TRIM44: variants seen among roughly 807,000 people sequenced by gnomAD.
The protein encoded by TRIM44 is tripartite motif-containing protein 44.
A neutral mutation model predicts 37.4 loss-of-function variants in TRIM44; 13 were observed. The observed-to-expected ratio is 0.35, with a 90% confidence interval of 0.23 to 0.55. TRIM44 has a LOEUF of 0.55. Ranked by LOEUF, TRIM44 falls within the 20% of genes least tolerant of loss-of-function variation. The pLI, the probability that TRIM44 is intolerant of heterozygous loss-of-function variation, is 0.89. For synonymous variants in TRIM44, 175 were observed against 157.2 expected (o/e 1.11, Z -0.85); for missense variants, 426 against 437.2 (o/e 0.97, Z 0.23).
chr11:35,772,503 G>C (rs576089292), intron 4 of TRIM44, among the ~76,000 whole-genome samples: 1 of 152,238 alleles, frequency 6.6e-6, no homozygotes, highest in Non-Finnish European at 1.5e-5. Context: ...GGGCAGAGCT[G>C]CCCAAGACCA....
chr11:35,791,351 TCA>T (rs139901007), intron 4 of TRIM44, among the ~76,000 whole-genome samples: 298 of 152,238 alleles, frequency 2.0e-3, no homozygotes, highest in Middle Eastern at 3.4e-3. Context: ...TCAGGGAGTG[TCA>T]CACAGAACAC....
chr11:35,786,744 A>C (rs1342240224), intron 4 of TRIM44, among the ~76,000 whole-genome samples: 2 of 152,144 alleles, frequency 1.3e-5, no homozygotes, highest in East Asian at 3.8e-4. Flanking sequence ...TCATTGAATA[A>C]ATTTTTTAAA....
rs141439316 is a variant in TRIM44 at position 35,754,975 on chromosome 11, G to A, written c.1007+19530G>A. ...TGCTGCAATAAACATACATGTGCATGTGTCTTTATAGCAGCATGTTTTATA... is the reference window on the plus strand; with the variant it reads ...TGCTGCAATAAACATACATGTGCATATGTCTTTATAGCAGCATGTTTTATA... On this transcript the variant is annotated intron_variant, in intron 4 of 4. Coordinates refer to ENST00000299413, the MANE Select transcript of TRIM44 (RefSeq NM_017583.6). Among the ~76,000 whole-genome samples the A allele has an allele frequency of 6.2e-4, 94 of 152,294 alleles. 2 individuals carry two copies. In the East Asian group the frequency reaches 0.017, roughly 27 times the overall value.
intron 3 of TRIM44, among the ~76,000 whole-genome samples, chr11:35,730,598 A>G (rs1590549688): frequency 6.6e-6 from 1 of 152,294 alleles, no homozygotes; most frequent in East Asian, 1.9e-4. Context: ...AGAGTAGCTA[A>G]AGAGAAATGA....
At chr11:35,763,341 A>T (rs1428702716) in intron 4 of TRIM44, among the ~76,000 whole-genome samples, 1 of 152,158 alleles carries the variant, frequency 6.6e-6, no homozygotes, top group East Asian at 1.9e-4. Flanking sequence ...GGATAAGCAC[A>T]GTAGCAAAGG....
chr11:35,708,531 G>T (rs1473490022), intron 2 of TRIM44, among the ~76,000 whole-genome samples: 2 of 151,786 alleles, frequency 1.3e-5, no homozygotes, highest in African/African-American at 4.9e-5. Context: ...AACAATGATA[G>T]ACTGGATTAA....
At chr11:35,676,206 TA>T (rs1391680126) in intron 1 of TRIM44, among the ~76,000 whole-genome samples, 7 of 152,288 alleles carry the variant, frequency 4.6e-5, no homozygotes, top group South Asian at 4.2e-4. Flanking sequence ...ATCATAGATG[TA>T]AAGAGTTTAG....
chr11:35,801,121 G>T (rs760407079), intron 4 of TRIM44, among the ~76,000 whole-genome samples: 1 of 152,216 alleles, frequency 6.6e-6, no homozygotes, highest in Admixed American at 6.5e-5. Flanking sequence ...AAAGGTCCCT[G>T]GATCCGAGTG....
chr11:35,747,571 C>T (rs944263262), intron 4 of TRIM44, among the ~76,000 whole-genome samples: 1 of 152,072 alleles, frequency 6.6e-6, no homozygotes, highest in Non-Finnish European at 1.5e-5. Flanking sequence ...TATGACAAGC[C>T]AACAGGGATT....
At position 35,814,777 on chromosome 11, in the gene TRIM44, T is replaced by G. The variant is rs1441932163; in HGVS notation, c.*8392T>G. ...CGTCTTTTTTCTTTTATGTAAATAC[T>G]TTTGTGACTTCATTGTAACCAGCAT... On this transcript the variant is annotated 3_prime_UTR_variant, in exon 5 of 5. Transcript: ENST00000299413. The G allele has an allele frequency of 6.6e-6, 1 of 152,180 alleles. No homozygotes were observed. Among genetic ancestry groups the G allele is most frequent in the African/African-American group, 2.4e-5 (1 of 41,442 alleles). 9.4% of individuals were successfully genotyped at this position (152,180 alleles called of 1,614,324 possible).
At chr11:35,784,374 T>C (rs1031604455) in intron 4 of TRIM44, among the ~76,000 whole-genome samples, 10 of 152,228 alleles carry the variant, frequency 6.6e-5, no homozygotes, top group Admixed American at 6.5e-4. Context: ...ATTCAAGGGT[T>C]CTGTGTATTA....
At chr11:35,705,632 G>A (rs1851869220) in intron 2 of TRIM44, among the ~76,000 whole-genome samples, 1 of 149,386 alleles carries the variant, frequency 6.7e-6, no homozygotes, top group South Asian at 2.2e-4. Context: ...TCAACTACAT[G>A]GAAACTGAAC....
rs373792187 is a variant in TRIM44, at chr11:35,706,247, C to T, written c.748-19677C>T. 2.2e-5 allele frequency among the ~76,000 whole-genome samples: 3 copies of T among 138,592 alleles called. No individual in the cohort carries two copies. The South Asian group carries it at 7.0e-4, about 32-fold the overall frequency. 90.9% of individuals were successfully genotyped at this position (138,592 alleles called of 152,430 possible). A position where few individuals can be genotyped will look rare whatever the true frequency, so the allele number is the denominator to read the frequency against. On this transcript the variant is annotated intron_variant, in intron 2 of 4. Transcript: ENST00000299413. Reference sequence around the variant, plus strand: ...AATCTCTGAATAGACCAATAACAGGCTCTGAAATTGTGGCAACAATCAATA... The same window carrying T: ...AATCTCTGAATAGACCAATAACAGGTTCTGAAATTGTGGCAACAATCAATA...
Position 35,742,533 on chromosome 11 carries a change from ATAATTATAT to A in TRIM44, c.1007+7103_1007+7111del, listed in dbSNP as rs1160886478. 1.1e-3 allele frequency among the ~76,000 whole-genome samples: 142 copies of A among 131,584 alleles called. 1 individual carries two copies. The highest frequency in any genetic ancestry group is 4.1e-3 in the African/African-American group (135 of 33,232). The allele number at this position is 131,584 out of a possible 152,430, so 86.3% of individuals were successfully genotyped here. On this transcript the variant is annotated intron_variant, in intron 4 of 4. Transcript: ENST00000299413. ...TATAATTATATTAATTGTATTATAT[ATAATTATAT>A]TAATTATATTAATTGTATTATATAT...
intron 4 of TRIM44, among the ~76,000 whole-genome samples, chr11:35,766,991 C>G (rs932746527): frequency 6.6e-6 from 1 of 152,162 alleles, no homozygotes; most frequent in Non-Finnish European, 1.5e-5. Flanking sequence ...GGAATAGATT[C>G]TCTGATATCT....
At chr11:35,774,562 G>T (rs945748405) in intron 4 of TRIM44, among the ~76,000 whole-genome samples, 4 of 152,174 alleles carry the variant, frequency 2.6e-5, no homozygotes, top group African/African-American at 7.2e-5. Flanking sequence ...GTCCTGAATG[G>T]TATTACCTAG....
intron 2 of TRIM44, among the ~76,000 whole-genome samples, chr11:35,718,256 A>G (rs1394189614): frequency 1.3e-5 from 2 of 152,142 alleles, no homozygotes; most frequent in African/African-American, 4.8e-5. Flanking sequence ...TTTAAGCAGA[A>G]TTATCTTTCC....
At chr11:35,708,108 A>G (rs1851913503) in intron 2 of TRIM44, among the ~76,000 whole-genome samples, 1 of 149,630 alleles carries the variant, frequency 6.7e-6, no homozygotes. Flanking sequence ...ATATGAACAG[A>G]CACTTCTCAA....
rs777052552 is a variant in TRIM44 at position 35,810,258 on chromosome 11, T to G, written c.*3873T>G. On this transcript the variant is annotated 3_prime_UTR_variant, in exon 5 of 5. Coordinates refer to ENST00000299413, the MANE Select transcript of TRIM44 (RefSeq NM_017583.6). ...GTCTAGGAAGTCCTCTCTCCCCAAG[T>G]AGAAAATATTCTCTTGCCATTCCTG... 1 of 152,166 alleles carries G rather than the reference T, an allele frequency of 6.6e-6. No individual in the cohort carries two copies. The highest frequency in any genetic ancestry group is 1.5e-5 in the Non-Finnish European group (1 of 68,038). 9.4% of individuals were successfully genotyped at this position (152,166 alleles called of 1,614,324 possible).
Sources: allele counts gnomAD v4.1 joint callset (sites outside exome capture counted in the v4.1 genomes callset), GRCh38; gene constraint gnomAD v4.1.1; transcripts MANE v1.5; gene names NCBI Gene and HGNC (gene_info 2026-07-23, HGNC 2026-07-21).